The following OTOA variants were observed in gnomAD, a reference collection of about 807,000 sequenced individuals.
The protein encoded by OTOA is otoancorin.
OTOA carries 70 observed loss-of-function variants against 110.8 expected under a neutral mutation model. The ratio of observed to expected loss-of-function variants is 0.63; its 90% CI spans 0.52 to 0.77. The LOEUF (loss-of-function observed/expected upper bound fraction) is 0.77. OTOA is among the 30% of genes least tolerant of loss of function. OTOA has a pLI of 0.00. For synonymous variants in OTOA, 373 were observed against 431.5 expected (o/e 0.86, Z 1.68); for missense variants, 917 against 1,075.8 (o/e 0.85, Z 2.06).
intron 7 of OTOA, 123 bp from the exon 8 acceptor site, chr16:21,687,290 A>G: frequency 2.4e-6 from 2 of 817,402 alleles, no homozygotes; most frequent in South Asian, 1.4e-5. Context: ...AAGTTTCAAC[A>G]TAGCAGCATG....
chr16:21,760,017 G>T (rs1900118535), intron 28 of OTOA, among the ~76,000 whole-genome samples: 1 of 151,930 alleles, frequency 6.6e-6, no homozygotes, highest in African/African-American at 2.4e-5. Flanking sequence ...TTTCCTGCAT[G>T]TCCCTGGCTG....
chr16:21,678,721 C>A, intron 2 of OTOA, 116 bp downstream of exon 2: 1 of 1,129,748 alleles, frequency 8.9e-7, no homozygotes. Flanking sequence ...TGTGTGTGTG[C>A]ATGTATGATT....
intron 17 of OTOA, among the ~76,000 whole-genome samples, chr16:21,722,379 CTA>C (rs148062861): frequency 0.39 from 57,078 of 147,664 alleles, 11,480 homozygotes; most frequent in Admixed American, 0.43. Flanking sequence ...CTATATATAA[CTA>C]TATGTATAGT....
intron 1 of OTOA, among the ~76,000 whole-genome samples, chr16:21,676,348 T>C (rs1966857779): frequency 6.6e-6 from 1 of 152,148 alleles, no homozygotes; most frequent in Non-Finnish European, 1.5e-5. Context: ...CTTTAAATAT[T>C]GTTGGGTTTT....
Position 21,705,255 on chromosome 16 carries a change from G to T in OTOA, c.1067G>T (p.Cys356Phe). The T allele has an allele frequency of 6.2e-7, 1 of 1,614,138 alleles. No individual in the cohort carries two copies. The highest frequency in any genetic ancestry group is 8.5e-7 in the Non-Finnish European group (1 of 1,180,018). Reference protein sequence around the residue: ...AQVLLYQMIKCSHLRGFQAGV... With the variant: ...AQVLLYQMIKFSHLRGFQAGV... The stretch of plus-strand genomic sequence containing the variant: ...GTCCTGCTTTACCAGATGATCAAGT[G>T]CAGCCACCTGAGGGGCTTCCAGGCT... Residue 356 changes from cysteine to phenylalanine, a missense_variant, in exon 12 of 29, where the codon TGC (cysteine) becomes TTC (phenylalanine). Physicochemically the swap from Cys to Phe is radical, Grantham distance 205. Around this residue, in one of 6 missense-constraint regions of OTOA, gnomAD observed 840 missense variants for 910.2 expected, o/e 0.92. Transcript: ENST00000646100.
Position 21,679,356 on chromosome 16 carries a change from C to A in OTOA, c.179+145C>A. The A allele has an allele frequency of 3.1e-6, 3 of 970,858 alleles. No individual in the cohort carries two copies. In the South Asian group the frequency reaches 4.3e-5, roughly 14 times the overall value. 60.1% of individuals were successfully genotyped at this position (970,858 alleles called of 1,614,324 possible). A position where few individuals can be genotyped will look rare whatever the true frequency, so the allele number is the denominator to read the frequency against. The stretch of plus-strand genomic sequence containing the variant: ...ACAATGTGTTAAAAGTCAACAAACA[C>A]CCTTGCTCCACGGGCATCATTCCTC... On this transcript the variant is annotated intron_variant, in intron 5 of 28. Coordinates refer to ENST00000646100, the MANE Select transcript of OTOA (RefSeq NM_144672.4).
intron 18 of OTOA, 67 bp downstream of exon 18, chr16:21,723,045 A>G: frequency 6.6e-7 from 1 of 1,522,056 alleles, no homozygotes. Flanking sequence ...TGAAGTCAAA[A>G]TGATTCTCTC....
chr16:21,674,727 T>C (rs1229263710), intron 1 of OTOA, among the ~76,000 whole-genome samples: 1 of 151,902 alleles, frequency 6.6e-6, no homozygotes, highest in Non-Finnish European at 1.5e-5. Flanking sequence ...CTAACAGTGC[T>C]GAGTATCTTC....
intron 9 of OTOA, 55 bp downstream of exon 9, chr16:21,691,742 G>A: frequency 6.9e-7 from 1 of 1,448,072 alleles, no homozygotes; most frequent in South Asian, 1.2e-5. Context: ...ATCTTCAGAA[G>A]AGGTGTTTCA....
rs533010025 is a variant in OTOA at position 21,673,792 on chromosome 16, T to C, written c.-4-4719T>C. ...CATTTGTGTACAGGTTTTGTTTGTTTGTTTGTTTGTTTTTTGAGTTGGAGT... is the reference window on the plus strand; with the variant it reads ...CATTTGTGTACAGGTTTTGTTTGTTCGTTTGTTTGTTTTTTGAGTTGGAGT... On this transcript the variant is annotated intron_variant, in intron 1 of 28. Transcript: ENST00000646100. 9.2e-4 allele frequency among the ~76,000 whole-genome samples: 140 copies of C among 152,292 alleles called. 1 individual carries two copies. The highest frequency in any genetic ancestry group is 3.3e-3 in the African/African-American group (136 of 41,558).
rs1216474654 is a variant in OTOA, at chr16:21,695,885, A to ATTTT, written c.740-1889_740-1888insTTTT. On this transcript the variant is annotated intron_variant, in intron 9 of 28. Coordinates refer to ENST00000646100, the MANE Select transcript of OTOA (RefSeq NM_144672.4). ...ACTTGAGATATATATATATATATATATATATATTTTTTTTTTTTTTTTTTT... is the reference window on the plus strand; with the variant it reads ...ACTTGAGATATATATATATATATATATTTTTATATATTTTTTTTTTTTTTTTTTT... 2.8e-3 allele frequency among the ~76,000 whole-genome samples: 143 copies of ATTTT among 50,398 alleles called. 1 individual carries two copies. The highest frequency in any genetic ancestry group is 3.7e-3 in the African/African-American group (35 of 9,508). 33.1% of individuals were successfully genotyped at this position (50,398 alleles called of 152,430 possible).
chr16:21,690,549 AT>A (rs1897809090), intron 8 of OTOA, among the ~76,000 whole-genome samples: 1 of 152,078 alleles, frequency 6.6e-6, no homozygotes, highest in Admixed American at 6.6e-5. Context: ...GCTGCATAGT[AT>A]TCCATGGTAT....
chr16:21,703,884 CTCTT>C (rs1397380850), intron 11 of OTOA, among the ~76,000 whole-genome samples: 1 of 152,130 alleles, frequency 6.6e-6, no homozygotes, highest in Admixed American at 6.6e-5. Context: ...CACAATCATC[CTCTT>C]TCTTTCACTC....
At chr16:21,730,460 T>A (rs1166611075) in intron 20 of OTOA, 2 of 300,566 alleles carry the variant, frequency 6.7e-6, no homozygotes, top group East Asian at 1.6e-4. Context: ...CCACTGGTGG[T>A]CTTCAGGCAT....
At chr16:21,714,276 C>CCT (rs1898452459) in intron 13 of OTOA, among the ~76,000 whole-genome samples, 1 of 57,272 alleles carries the variant, frequency 1.7e-5, no homozygotes, top group African/African-American at 6.8e-5. Context: ...TCTTTCTTTC[C>CCT]TCCTTCCTTT....
At chr16:21,744,271 CT>C (rs1187818588) in intron 23 of OTOA, among the ~76,000 whole-genome samples, 3 of 151,614 alleles carry the variant, frequency 2.0e-5, no homozygotes, top group Non-Finnish European at 2.9e-5. Context: ...ACCCAAGTGG[CT>C]GGGATTACAG....
intron 1 of OTOA, among the ~76,000 whole-genome samples, chr16:21,670,567 A>G (rs1966847721): frequency 1.3e-5 from 2 of 152,084 alleles, no homozygotes; most frequent in South Asian, 4.1e-4. Flanking sequence ...TAATATAGTT[A>G]TTTGATTATC....
intron 1 of OTOA, among the ~76,000 whole-genome samples, chr16:21,670,996 G>A (rs1966848297): frequency 6.6e-6 from 1 of 152,146 alleles, no homozygotes; most frequent in Non-Finnish European, 1.5e-5. Flanking sequence ...GGGGCAAAGA[G>A]GAGGGTGATA....
chr16:21,728,141 A>T, intron 19 of OTOA, 100 bp from the exon 20 acceptor site: 1 of 1,443,956 alleles, frequency 6.9e-7, no homozygotes, highest in Non-Finnish European at 9.7e-7. Flanking sequence ...CTGGGATTAT[A>T]GGCATAAGCC....
Sources: allele counts gnomAD v4.1 joint callset (sites outside exome capture counted in the v4.1 genomes callset), GRCh38; gene constraint gnomAD v4.1.1; regional missense constraint gnomAD v4.1.1; transcripts MANE v1.5; gene names NCBI Gene and HGNC (gene_info 2026-07-23, HGNC 2026-07-21).